Variants in AATF observed in about 807,000 individuals in gnomAD.
AATF encodes apoptosis antagonizing transcription factor.
AATF carries 48 observed loss-of-function variants against 63.7 expected under a neutral mutation model. The ratio of observed to expected loss-of-function variants is 0.75; its 90% CI spans 0.60 to 0.96. AATF has a LOEUF of 0.96. Among genes scored for constraint, AATF ranks in the 40% least tolerant of loss-of-function variants. The pLI is 0.00. For missense variants in AATF, 639 were observed against 685.7 expected, an observed-to-expected ratio of 0.93 and a Z score of 0.76; for synonymous variants, 258 against 247.7, an observed-to-expected ratio of 1.04 and a Z score of -0.39.
At chr17:37,049,268 A>G (rs1206859833) in intron 11 of AATF, among the ~76,000 whole-genome samples, 3 of 152,108 alleles carry the variant, frequency 2.0e-5, no homozygotes, top group Admixed American at 1.3e-4. Flanking sequence ...ACTATTCAAG[A>G]TTTCTATTAA....
At chr17:37,011,234 G>C (rs925515082) in intron 8 of AATF, among the ~76,000 whole-genome samples, 2 of 152,128 alleles carry the variant, frequency 1.3e-5, no homozygotes, top group African/African-American at 4.8e-5. Flanking sequence ...AATTAGCCCG[G>C]CGTGGTGGTG....
At chr17:37,012,462 G>A (rs2071399487) in intron 8 of AATF, among the ~76,000 whole-genome samples, 1 of 152,242 alleles carries the variant, frequency 6.6e-6, no homozygotes, top group South Asian at 2.1e-4. Context: ...GTGGGAGAGA[G>A]AGGGAATTCA....
chr17:37,015,044 G>T (rs2071419168), intron 8 of AATF, among the ~76,000 whole-genome samples: 1 of 151,974 alleles, frequency 6.6e-6, no homozygotes, highest in Non-Finnish European at 1.5e-5. Context: ...TTTGTTCTCT[G>T]CATTGCTTCC....
chr17:36,988,551 TAGA>T lies in AATF; in HGVS notation c.984_986del (p.Glu329del). On this transcript the variant is annotated inframe_deletion, in exon 6 of 12. Transcript: ENST00000619387. ...ATTTCTAGTGAAGATGATGAGCTGG[TAGA>T]AGAGAAGAAGCAGCAACGAAGAAGG... The T allele has an allele frequency of 1.2e-6, 2 of 1,614,056 alleles. No homozygotes were observed. Among genetic ancestry groups the T allele is most frequent in the Non-Finnish European group, 1.7e-6 (2 of 1,180,002 alleles).
chr17:36,994,471 G>A (rs938974818), intron 8 of AATF, among the ~76,000 whole-genome samples: 1 of 152,222 alleles, frequency 6.6e-6, no homozygotes, highest in Non-Finnish European at 1.5e-5. Context: ...ATTGCTGAAA[G>A]CATGAAGTAT....
At chr17:37,037,749 A>C (rs1299249846) in intron 11 of AATF, among the ~76,000 whole-genome samples, 2 of 152,202 alleles carry the variant, frequency 1.3e-5, no homozygotes, top group Non-Finnish European at 2.9e-5. Flanking sequence ...TCTCATGTTG[A>C]AATGTAATCC....
chr17:37,008,422 G>A (rs2071358138), intron 8 of AATF, among the ~76,000 whole-genome samples: 2 of 152,196 alleles, frequency 1.3e-5, no homozygotes, highest in African/African-American at 4.8e-5. Flanking sequence ...TTGGCAGATA[G>A]TTACACTTAG....
chr17:36,994,747 C>T (rs1431654359), intron 8 of AATF, among the ~76,000 whole-genome samples: 1 of 152,156 alleles, frequency 6.6e-6, no homozygotes, highest in East Asian at 1.9e-4. Context: ...GTCTGTATCA[C>T]CATTTAAGGC....
chr17:37,029,571 GTTTGT>G (rs1404607626), intron 10 of AATF, among the ~76,000 whole-genome samples: 1 of 147,200 alleles, frequency 6.8e-6, no homozygotes, highest in African/African-American at 2.5e-5. Flanking sequence ...TTTGGTTTTT[GTTTGT>G]TTTATTTTTG....
rs539530627 is a variant in AATF, at chr17:36,998,050, C to A, written c.1398+7193C>A. 6.8e-4 allele frequency among the ~76,000 whole-genome samples: 103 copies of A among 152,194 alleles called. No homozygotes were observed. The Middle Eastern group carries it at 0.01, about 15-fold the overall frequency. ...AGGACACAAAGGCATAAGAATGATA[C>A]AATGGACTTTGGGGACTCGTGGGGG... On this transcript the variant is annotated intron_variant, in intron 8 of 11. Transcript: ENST00000619387.
chr17:37,007,947 A>G (rs1444725003), intron 8 of AATF, among the ~76,000 whole-genome samples: 1 of 152,228 alleles, frequency 6.6e-6, no homozygotes, highest in Non-Finnish European at 1.5e-5. Flanking sequence ...CTAGTTTGGA[A>G]AAGTCCTTTA....
intron 8 of AATF, among the ~76,000 whole-genome samples, chr17:37,012,270 G>C (rs1182451651): frequency 1.3e-5 from 2 of 152,112 alleles, no homozygotes; most frequent in African/African-American, 2.4e-5. Context: ...GGCCAGGCTG[G>C]TCTCGAACTT....
intron 9 of AATF, among the ~76,000 whole-genome samples, chr17:37,019,454 G>A (rs1597728035): frequency 6.6e-6 from 1 of 152,116 alleles, no homozygotes; most frequent in Admixed American, 6.5e-5. Flanking sequence ...GCTCTCAGTC[G>A]AATCTGCTTT....
intron 4 of AATF, among the ~76,000 whole-genome samples, chr17:36,962,889 A>C (rs2070959452): frequency 1.3e-5 from 2 of 152,328 alleles, no homozygotes; most frequent in South Asian, 4.1e-4. Flanking sequence ...TGGGAGGCCG[A>C]GGCAGGCGAA....
intron 8 of AATF, among the ~76,000 whole-genome samples, chr17:36,992,729 G>A (rs1027709643): frequency 2.0e-5 from 3 of 150,808 alleles, no homozygotes; most frequent in Non-Finnish European, 2.9e-5. Flanking sequence ...TCAGAGTTAT[G>A]ACTAGTCACA....
At chr17:36,998,748 A>T (rs1438674721) in intron 8 of AATF, 2 of 152,190 alleles carry the variant, frequency 1.3e-5, no homozygotes, top group Non-Finnish European at 2.9e-5. Context: ...AACATTTATT[A>T]TGCCAGATGC....
intron 4 of AATF, among the ~76,000 whole-genome samples, chr17:36,968,645 A>T (rs995270262): frequency 6.7e-6 from 1 of 149,962 alleles, no homozygotes; most frequent in African/African-American, 2.5e-5. Context: ...TTTTCAAGAG[A>T]AGGTCCCACT....
intron 4 of AATF, 55 bp downstream of exon 4, chr17:36,953,962 C>T (rs761114786): frequency 1.5e-5 from 23 of 1,569,866 alleles, no homozygotes; most frequent in Non-Finnish European, 2.0e-5. Context: ...CAAATGAAGA[C>T]AGCTTTGATT....
chr17:36,967,736 A>G (rs1443661489), intron 4 of AATF, among the ~76,000 whole-genome samples: 1 of 152,172 alleles, frequency 6.6e-6, no homozygotes, highest in Non-Finnish European at 1.5e-5. Context: ...AGTTGTCTTA[A>G]AATACCTTTA....
Sources: gnomAD v4.1 joint callset for allele counts (sites outside exome capture counted in the v4.1 genomes callset) on GRCh38, gnomAD v4.1.1 for gene constraint, MANE v1.5 for transcripts, NCBI Gene and HGNC (gene_info 2026-07-23, HGNC 2026-07-21) for gene names.